The following TACC1 variants were observed in gnomAD, a reference collection of about 807,000 sequenced individuals.
TACC1 encodes transforming acidic coiled-coil-containing protein 1.
A neutral mutation model predicts 84.4 loss-of-function variants in TACC1; 48 were observed. That is an observed-to-expected ratio of 0.57 (90% CI 0.45 to 0.72). The LOEUF (loss-of-function observed/expected upper bound fraction) is 0.72. Among genes scored for constraint, TACC1 ranks in the 30% least tolerant of loss-of-function variants. The pLI, the probability that TACC1 is intolerant of heterozygous loss-of-function variation, is 0.00. For missense variants in TACC1, 920 were observed against 973.0 expected (o/e 0.95, Z 0.72); for synonymous variants, 372 against 376.3 (o/e 0.99, Z 0.13).
chr8:38,809,538 G>A (rs1024552503), intron 2 of TACC1, among the ~76,000 whole-genome samples: 4 of 152,138 alleles, frequency 2.6e-5, no homozygotes, highest in Non-Finnish European at 5.9e-5. Flanking sequence ...GCAGCTGGTG[G>A]AGATGATGGA....
intron 3 of TACC1, among the ~76,000 whole-genome samples, chr8:38,762,517 T>C (rs1811403814): frequency 3.9e-5 from 6 of 152,184 alleles, no homozygotes; most frequent in Admixed American, 3.9e-4. Flanking sequence ...TTCATTCATC[T>C]GTGAGTGAAT....
rs549681725 is a variant in TACC1 at position 38,850,167 on chromosome 8, T to C, written c.*2144T>C. On this transcript the variant is annotated 3_prime_UTR_variant, in exon 13 of 13. Coordinates refer to ENST00000317827, the MANE Select transcript of TACC1 (RefSeq NM_006283.3). The stretch of plus-strand genomic sequence containing the variant: ...TAGCACACTGGTGGAAGAGACCCCT[T>C]AAGAACCTGACCCCAGTGAATGAAG... 1.8e-3 allele frequency: 276 copies of C among 152,708 alleles called. No individual in the cohort carries two copies. Among genetic ancestry groups the C allele is most frequent in the Non-Finnish European group, 1.8e-3 (120 of 68,030 alleles). The allele number at this position is 152,708 out of a possible 1,614,324, so 9.5% of individuals were successfully genotyped here.
At chr8:38,747,422 T>C (rs1808276046) in intron 3 of TACC1, among the ~76,000 whole-genome samples, 1 of 152,254 alleles carries the variant, frequency 6.6e-6, no homozygotes, top group Non-Finnish European at 1.5e-5. Context: ...ATAGCAACTT[T>C]ATTCATAATT....
In TACC1 at chr8:38,800,213, C is replaced by A. The variant is rs529960101; in HGVS notation, c.277+11394C>A. Among the ~76,000 whole-genome samples the A allele has an allele frequency of 1.1e-4, 17 of 152,338 alleles. No individual in the cohort carries two copies. In the East Asian group the frequency reaches 2.7e-3, roughly 24 times the overall value. ...AGGACATTCCTCCTGCTCCATTTCCCTCGGGTCTGAGCCTCCATGTTCTTT... is the reference window on the plus strand; with the variant it reads ...AGGACATTCCTCCTGCTCCATTTCCATCGGGTCTGAGCCTCCATGTTCTTT... On this transcript the variant is annotated intron_variant, in intron 2 of 12. Coordinates refer to ENST00000317827, the MANE Select transcript of TACC1 (RefSeq NM_006283.3).
At chr8:38,774,838 C>G (rs576271218) in intron 3 of TACC1, among the ~76,000 whole-genome samples, 1 of 151,944 alleles carries the variant, frequency 6.6e-6, no homozygotes, top group Non-Finnish European at 1.5e-5. Flanking sequence ...TGGTGAAACC[C>G]CCTCTCTACT....
chr8:38,808,951 G>C (rs753918860), intron 2 of TACC1, among the ~76,000 whole-genome samples: 1 of 151,946 alleles, frequency 6.6e-6, no homozygotes, highest in African/African-American at 2.4e-5. Flanking sequence ...GAAGATGCCA[G>C]ACTGAGATAT....
intron 8 of TACC1, chr8:38,839,392 A>G (rs913572844): frequency 2.5e-6 from 1 of 393,472 alleles, no homozygotes; most frequent in Non-Finnish European, 4.5e-6. Context: ...AAAAAGGCAT[A>G]AATAATTCAC....
chr8:38,823,809 A>G (rs16892013), intron 3 of TACC1, among the ~76,000 whole-genome samples: 3,847 of 152,294 alleles, frequency 0.025, 141 homozygotes, highest in African/African-American at 0.087. Context: ...AGGTCTGTTC[A>G]TCATTCACTC....
chr8:38,745,904 G>T (rs1046641552), intron 3 of TACC1, among the ~76,000 whole-genome samples: 6 of 152,182 alleles, frequency 3.9e-5, no homozygotes, highest in Non-Finnish European at 5.9e-5. Context: ...GGAGTGTAGT[G>T]GTGCGATCCC....
intron 9 of TACC1, 146 bp from the exon 10 acceptor site, chr8:38,842,141 G>A (rs762305581): frequency 9.8e-5 from 85 of 866,854 alleles, no homozygotes; most frequent in Non-Finnish European, 1.3e-4. Context: ...GTTACCACGC[G>A]TCTCCCCCAA....
At chr8:38,842,490 G>T (rs1310054161) in intron 10 of TACC1, 43 bp downstream of exon 10, 13 of 1,551,120 alleles carry the variant, frequency 8.4e-6, no homozygotes, top group Admixed American at 2.0e-5. Flanking sequence ...ATTTCCAGTA[G>T]TGTATTTCCT....
At chr8:38,752,830 A>G (rs1478281582) in intron 3 of TACC1, among the ~76,000 whole-genome samples, 1 of 152,042 alleles carries the variant, frequency 6.6e-6, no homozygotes, top group Non-Finnish European at 1.5e-5. Flanking sequence ...GTGTCCAACT[A>G]TGATCCTCCT....
chr8:38,809,573 G>A (rs1823587470), intron 2 of TACC1, among the ~76,000 whole-genome samples: 1 of 152,154 alleles, frequency 6.6e-6, no homozygotes, highest in South Asian at 2.1e-4. Flanking sequence ...TCTTAAAGGA[G>A]TGGGTATATG....
chr8:38,755,399 T>C (rs1308020913), intron 3 of TACC1, among the ~76,000 whole-genome samples: 1 of 152,088 alleles, frequency 6.6e-6, no homozygotes, highest in African/African-American at 2.4e-5. Flanking sequence ...TAAGCTAGAA[T>C]ACAGAGAAAA....
intron 2 of TACC1, among the ~76,000 whole-genome samples, chr8:38,789,738 CAGA>C (rs1818199637): frequency 6.6e-6 from 1 of 152,124 alleles, no homozygotes; most frequent in African/African-American, 2.4e-5. Flanking sequence ...ACCCTTCCAG[CAGA>C]AGGAGTGGCA....
rs778813630 is a variant in TACC1 at position 38,823,967 on chromosome 8, C to G, written c.1392-1341C>G. On this transcript the variant is annotated intron_variant, in intron 3 of 12. Transcript: ENST00000317827. ...CTCCATCTGTCTGTCTCTTTCCTGT[C>G]TCTAATTTTGTTGGTGCATCAGGAC... is the stretch of plus-strand genomic sequence containing the variant. The G allele has an allele frequency of 4.4e-6, 6 of 1,350,932 alleles. No homozygotes were observed. The South Asian group carries it at 6.8e-5, about 15-fold the overall frequency. 83.7% of individuals were successfully genotyped at this position (1,350,932 alleles called of 1,614,324 possible).
chr8:38,762,639 C>T (rs1361194634), intron 3 of TACC1, among the ~76,000 whole-genome samples: 8 of 152,056 alleles, frequency 5.3e-5, no homozygotes, highest in African/African-American at 1.4e-4. Flanking sequence ...TCATTGCAAC[C>T]TCCACCTCCC....
At chr8:38,733,017 G>A (rs758903875) in intron 1 of TACC1, among the ~76,000 whole-genome samples, 21 of 152,260 alleles carry the variant, frequency 1.4e-4, no homozygotes, top group East Asian at 5.8e-4. Flanking sequence ...ACTCGGCACC[G>A]GACAGGAGAT....
At chr8:38,813,294 C>G (rs1305602001) in intron 2 of TACC1, among the ~76,000 whole-genome samples, 2 of 152,032 alleles carry the variant, frequency 1.3e-5, no homozygotes, top group African/African-American at 4.8e-5. Flanking sequence ...GTTATGTGAT[C>G]AAGGAGACTA....
Sources: gnomAD v4.1 joint callset for allele counts (sites outside exome capture counted in the v4.1 genomes callset) on GRCh38, gnomAD v4.1.1 for gene constraint, MANE v1.5 for transcripts, NCBI Gene and HGNC (gene_info 2026-07-23, HGNC 2026-07-21) for gene names.